DHX32: variants seen among roughly 807,000 people sequenced by gnomAD.
DHX32 encodes DEAH-box helicase 32 (putative), also known as putative pre-mRNA-splicing factor ATP-dependent RNA helicase DHX32.
A neutral mutation model predicts 70.0 loss-of-function variants in DHX32; 51 were observed. The observed-to-expected ratio is 0.73, with a 90% CI of 0.58 to 0.92. The LOEUF is 0.92. Ranked by LOEUF, DHX32 falls within the 40% of genes least tolerant of loss-of-function variation. DHX32 has a pLI of 0.00. For missense variants in DHX32, 762 were observed against 891.8 expected, an observed-to-expected ratio of 0.85 and a Z score of 1.85; for synonymous variants, 310 against 315.3, an observed-to-expected ratio of 0.98 and a Z score of 0.18.
At chr10:125,865,147 G>C (rs1189726491) in intron 2 of DHX32, among the ~76,000 whole-genome samples, 1 of 151,846 alleles carries the variant, frequency 6.6e-6, no homozygotes, top group Non-Finnish European at 1.5e-5. Context: ...ATAATTCAAA[G>C]GGCTACTTTA....
At chr10:125,850,132 A>AT (rs901504110) in intron 6 of DHX32, among the ~76,000 whole-genome samples, 1 of 117,374 alleles carries the variant, frequency 8.5e-6, no homozygotes, top group African/African-American at 3.6e-5. Context: ...CACCTGGCTC[A>AT]TTAAAAAAAA....
rs1230653867 is a variant in DHX32 at position 125,841,648 on chromosome 10, T to C, written c.1543+95A>G. On this transcript the variant is annotated intron_variant, in intron 7 of 10. Coordinates refer to ENST00000284690, the MANE Select transcript of DHX32 (RefSeq NM_018180.3). ...AATGAGTTGATCACTATCTCTGCTC[T>C]GTGCTCCTCAAAATATAATTTCAAA... 3.3e-6 allele frequency: 5 copies of C among 1,517,424 alleles called. No homozygotes were observed. In the East Asian group the frequency reaches 7.2e-5, roughly 22 times the overall value. The allele number at this position is 1,517,424 out of a possible 1,614,324, so 94.0% of individuals were successfully genotyped here. A position where few individuals can be genotyped will look rare whatever the true frequency, so the allele number is the denominator to read the frequency against.
In DHX32 at chr10:125,857,874, T is replaced by G. The variant is rs1409112834; in HGVS notation, c.849+1729A>C. Among the ~76,000 whole-genome samples the G allele has an allele frequency of 2.9e-5, 4 of 138,912 alleles. No individual in the cohort carries two copies. The East Asian group carries it at 8.2e-4, about 29-fold the overall frequency. The allele number at this position is 138,912 out of a possible 152,430, so 91.1% of individuals were successfully genotyped here. On this transcript the variant is annotated intron_variant, in intron 3 of 10. Transcript: ENST00000284690. ...CATTTTTTTCTTGCAGAAATGTATA[T>G]CCTGGTTTTTTTTTTTTAATTTTTC...
At chr10:125,845,424 T>C (rs560424630) in intron 6 of DHX32, among the ~76,000 whole-genome samples, 2 of 152,358 alleles carry the variant, frequency 1.3e-5, no homozygotes, top group African/African-American at 4.8e-5. Flanking sequence ...TATATGTACT[T>C]TCCTACAGGT....
At position 125,838,192 on chromosome 10, in the gene DHX32, TC is replaced by T. The variant is rs1169947455; in HGVS notation, c.2063+13del. On this transcript the variant is annotated intron_variant, in intron 10 of 10. Transcript: ENST00000284690. The stretch of plus-strand genomic sequence containing the variant: ...AAAAAAAAAATACAACCCTTTCTTC[TC>T]CATTAAACTTACAGTTCAGGAGAGA... 3.2e-6 allele frequency: 5 copies of T among 1,557,300 alleles called. No individual in the cohort carries two copies. The Admixed American group carries it at 6.7e-5, about 21-fold the overall frequency.
In DHX32 at chr10:125,836,347, A is replaced by C; in HGVS notation, c.*340T>G. 4.4e-6 allele frequency: 7 copies of C among 1,608,090 alleles called. No individual in the cohort carries two copies. Among genetic ancestry groups the C allele is most frequent in the Non-Finnish European group, 5.1e-6 (6 of 1,177,498 alleles). On this transcript the variant is annotated 3_prime_UTR_variant, in exon 11 of 11. Transcript: ENST00000284690. ...AAAACTCAGTGGAGATTTACTGAAA[A>C]ACTCAGACTTTATTCAGATTAAGTT...
chr10:125,892,418 T>C (rs1944376905), intron 1 of DHX32, among the ~76,000 whole-genome samples: 1 of 152,302 alleles, frequency 6.6e-6, no homozygotes, highest in East Asian at 1.9e-4. Context: ...ATCCTCCTTA[T>C]TACCTTTAAG....
chr10:125,895,798 G>A (rs1189246676), intron 1 of DHX32, among the ~76,000 whole-genome samples: 1 of 152,200 alleles, frequency 6.6e-6, no homozygotes, highest in Non-Finnish European at 1.5e-5. Context: ...AATGGGACAC[G>A]GGGATGACGG....
intron 6 of DHX32, among the ~76,000 whole-genome samples, chr10:125,846,842 G>A (rs559321170): frequency 3.3e-5 from 5 of 152,242 alleles, no homozygotes; most frequent in African/African-American, 9.6e-5. Flanking sequence ...GAGTTTCCAG[G>A]AGCTGACATA....
Position 125,854,175 on chromosome 10 carries a change from TAG to T in DHX32, c.876_877del (p.Tyr293SerfsTer4). ...ATCTGGGTTTAGGTTAGATCCTTGA[TAG>T]ACAGTTTCACAGACTTTCTCAATAT... is the stretch of plus-strand genomic sequence containing the variant. On this transcript the variant is annotated frameshift_variant, in exon 4 of 11. Transcript: ENST00000284690. LOFTEE classifies it high-confidence loss of function. The T allele has an allele frequency of 6.2e-7, 1 of 1,611,866 alleles. No individual in the cohort carries two copies.
chr10:125,856,830 C>T (rs1357167654), intron 3 of DHX32, among the ~76,000 whole-genome samples: 1 of 152,062 alleles, frequency 6.6e-6, no homozygotes, highest in African/African-American at 2.4e-5. Flanking sequence ...CTGGTGCACA[C>T]CTGTAATCCC....
At chr10:125,852,697 TC>T in intron 4 of DHX32, 55 bp from the exon 5 acceptor site, 1 of 1,474,452 alleles carries the variant, frequency 6.8e-7, no homozygotes, top group Non-Finnish European at 9.2e-7. Context: ...TTCAGTAGGC[TC>T]ACTGATCCTG....
intron 4 of DHX32, 127 bp downstream of exon 4, chr10:125,853,834 C>G: frequency 8.1e-7 from 1 of 1,233,560 alleles, no homozygotes. Context: ...GCACTCATGA[C>G]CAAATTCAAC....
In DHX32 at chr10:125,863,414, C is replaced by T. The variant is rs561083964; in HGVS notation, c.477-3439G>A. Reference sequence around the variant, plus strand: ...ACCAAAAAAATGAAAAAGACAGTATCAAATATAGACTACTGCCTTCTATAA... The same window carrying T: ...ACCAAAAAAATGAAAAAGACAGTATTAAATATAGACTACTGCCTTCTATAA... On this transcript the variant is annotated intron_variant, in intron 2 of 10. Coordinates refer to ENST00000284690, the MANE Select transcript of DHX32 (RefSeq NM_018180.3). 5.3e-5 allele frequency among the ~76,000 whole-genome samples: 8 copies of T among 151,700 alleles called. No homozygotes were observed. In the South Asian group the frequency reaches 1.7e-3, roughly 32 times the overall value.
At chr10:125,848,047 T>C (rs887925241) in intron 6 of DHX32, among the ~76,000 whole-genome samples, 3 of 152,186 alleles carry the variant, frequency 2.0e-5, no homozygotes, top group Non-Finnish European at 4.4e-5. Flanking sequence ...TTTACATAAA[T>C]GGACAGAGAA....
chr10:125,861,531 C>T (rs1361065279), intron 2 of DHX32, among the ~76,000 whole-genome samples: 1 of 152,156 alleles, frequency 6.6e-6, no homozygotes, highest in East Asian at 1.9e-4. Flanking sequence ...ACCATTTGTA[C>T]AGGCAATATG....
intron 4 of DHX32, 64 bp from the exon 5 acceptor site, chr10:125,852,706 C>A: frequency 7.0e-7 from 1 of 1,434,292 alleles, no homozygotes; most frequent in South Asian, 1.3e-5. Context: ...CTCACTGATC[C>A]TGAAGAGAAT....
intron 1 of DHX32, among the ~76,000 whole-genome samples, chr10:125,875,514 A>T (rs887013334): frequency 1.3e-5 from 2 of 152,222 alleles, no homozygotes; most frequent in Non-Finnish European, 2.9e-5. Flanking sequence ...ATAAAATAAG[A>T]ATTTATGAGT....
intron 1 of DHX32, among the ~76,000 whole-genome samples, chr10:125,889,373 A>T (rs1318630474): frequency 6.6e-6 from 1 of 152,164 alleles, no homozygotes; most frequent in Non-Finnish European, 1.5e-5. Flanking sequence ...CTATGTTTAG[A>T]AAAAAAGAAA....
Sources: allele counts gnomAD v4.1 joint callset (sites outside exome capture counted in the v4.1 genomes callset), GRCh38; gene constraint gnomAD v4.1.1; transcripts MANE v1.5; gene names NCBI Gene and HGNC (gene_info 2026-07-23, HGNC 2026-07-21).